AP1M1: variants seen among roughly 807,000 people sequenced by gnomAD.
AP1M1 encodes the protein adaptor related protein complex 1 subunit mu 1, also known as AP-1 complex subunit mu-1.
Under a neutral mutation model 57.1 loss-of-function variants are expected in AP1M1, and 18 were observed. The observed-to-expected ratio is 0.32, with a 90% CI of 0.22 to 0.47. The LOEUF (loss-of-function observed/expected upper bound fraction) is 0.47. AP1M1 is among the 20% of genes least tolerant of loss of function. The pLI is 1.00. For synonymous variants in AP1M1, 241 were observed against 237.9 expected (o/e 1.01, Z -0.12); for missense variants, 362 against 593.5 (o/e 0.61, Z 4.05).
At position 16,198,085 on chromosome 19, in the gene AP1M1, A is replaced by T; in HGVS notation, c.42+17A>T. 6.3e-7 allele frequency: 1 copy of T among 1,593,320 alleles called. No homozygotes were observed. Among genetic ancestry groups the T allele is most frequent in the Middle Eastern group, 2.1e-4 (1 of 4,752 alleles). ...AAGGGCAAGGTACTGAGGGCTCCCC[A>T]CCCTCCCTGTTGCCAGGCAACCGGC... On this transcript the variant is annotated intron_variant, in intron 1 of 11. Coordinates refer to ENST00000291439, the MANE Select transcript of AP1M1 (RefSeq NM_032493.4).
chr19:16,208,545 C>T (rs545160745), intron 4 of AP1M1, among the ~76,000 whole-genome samples: 21 of 152,290 alleles, frequency 1.4e-4, no homozygotes, highest in Non-Finnish European at 2.8e-4. Context: ...CAGCACTTCA[C>T]ATTCACTCGA....
In AP1M1 at chr19:16,234,547, C is replaced by G. The variant is rs1228781738; in HGVS notation, c.*112C>G. ...CCCTCCCTGGTCTCTGGCCACCCTCCCAGCCTCTGCCCAGGGACCCCTGCC... is the reference window on the plus strand; with the variant it reads ...CCCTCCCTGGTCTCTGGCCACCCTCGCAGCCTCTGCCCAGGGACCCCTGCC... On this transcript the variant is annotated 3_prime_UTR_variant, in exon 12 of 12. Coordinates refer to ENST00000291439, the MANE Select transcript of AP1M1 (RefSeq NM_032493.4). 2.2e-6 allele frequency: 3 copies of G among 1,395,004 alleles called. No homozygotes were observed. In the African/African-American group the frequency reaches 4.3e-5, roughly 20 times the overall value. 86.4% of individuals were successfully genotyped at this position (1,395,004 alleles called of 1,614,324 possible). A position where few individuals can be genotyped will look rare whatever the true frequency, so the allele number is the denominator to read the frequency against.
At position 16,203,655 on chromosome 19, in the gene AP1M1, T is replaced by G; in HGVS notation, c.199+40T>G. 1 of 1,563,910 alleles carries G rather than the reference T, an allele frequency of 6.4e-7. No individual in the cohort carries two copies. The highest frequency in any genetic ancestry group is 8.7e-7 in the Non-Finnish European group (1 of 1,152,814). On this transcript the variant is annotated intron_variant, in intron 2 of 11. Coordinates refer to ENST00000291439, the MANE Select transcript of AP1M1 (RefSeq NM_032493.4). This position sits in a 1 kb window ranked among gnomAD's most constrained non-coding sequence, Gnocchi z 4.6. ...GGGGTGCTCCCAGGGGACTCCTGTGTGGGTGTTGGTGTGTGTGCATATCCA... is the reference window on the plus strand; with the variant it reads ...GGGGTGCTCCCAGGGGACTCCTGTGGGGGTGTTGGTGTGTGTGCATATCCA...
rs1047128545 is a variant in AP1M1 at position 16,206,943 on chromosome 19, G to C, written c.267+535G>C. On this transcript the variant is annotated intron_variant, in intron 3 of 11. Transcript: ENST00000291439. The surrounding 1 kb of genome is among the most constrained non-coding windows in gnomAD (Gnocchi z 4.3). ...CAGCGTGCGTGTGGCAGAGTATGAG[G>C]CTGAGGTCAGCTGGGAAGAGGGCGG... Among the ~76,000 whole-genome samples, 1 of 152,354 alleles carries C rather than the reference G, an allele frequency of 6.6e-6. No homozygotes were observed.
chr19:16,204,471 G>T (rs986559969), intron 2 of AP1M1, among the ~76,000 whole-genome samples: 3 of 152,184 alleles, frequency 2.0e-5, no homozygotes, highest in African/African-American at 4.8e-5. Flanking sequence ...AGTTCAGTGG[G>T]AACAACGACC....
intron 1 of AP1M1, among the ~76,000 whole-genome samples, chr19:16,198,830 T>G (rs1220237956): frequency 6.6e-6 from 1 of 151,946 alleles, no homozygotes; most frequent in Non-Finnish European, 1.5e-5. Flanking sequence ...GTTTTTGAGA[T>G]AGTGTCATGC....
rs184500655 is a variant in AP1M1 at position 16,207,793 on chromosome 19, C to T, written c.268-226C>T. Among the ~76,000 whole-genome samples, 3 of 152,232 alleles carry T rather than the reference C, an allele frequency of 2.0e-5. No homozygotes were observed. The East Asian group carries it at 5.8e-4, about 29-fold the overall frequency. ...ATGGGAACGCAGAGCTTCTGAAGGC[C>T]TCGGGACATCTGCAGTGGCTCCAGC... On this transcript the variant is annotated intron_variant, in intron 3 of 11. Coordinates refer to ENST00000291439, the MANE Select transcript of AP1M1 (RefSeq NM_032493.4). This position sits in a 1 kb window ranked among gnomAD's most constrained non-coding sequence, Gnocchi z 4.2.
At chr19:16,231,746 G>A (rs183932930) in intron 9 of AP1M1, among the ~76,000 whole-genome samples, 54 of 152,342 alleles carry the variant, frequency 3.5e-4, no homozygotes, top group Middle Eastern at 6.8e-3. Flanking sequence ...GTGAACGAGT[G>A]CACAAATACC....
intron 5 of AP1M1, among the ~76,000 whole-genome samples, chr19:16,225,409 G>A (rs558922256): frequency 6.6e-6 from 1 of 152,224 alleles, no homozygotes; most frequent in East Asian, 1.9e-4. Flanking sequence ...GGCCAGGGCT[G>A]CAGCCCCAGC....
intron 5 of AP1M1, among the ~76,000 whole-genome samples, chr19:16,215,924 G>A (rs2091517384): frequency 6.6e-6 from 1 of 152,008 alleles, no homozygotes; most frequent in South Asian, 2.1e-4. Flanking sequence ...CAGTCTTCAA[G>A]CTCTGAGATT....
intron 5 of AP1M1, among the ~76,000 whole-genome samples, chr19:16,218,668 C>T (rs774745482): frequency 3.9e-5 from 6 of 152,166 alleles, no homozygotes; most frequent in African/African-American, 1.4e-4. Flanking sequence ...CTCCTGGCTG[C>T]GTCTAGTTGG....
In AP1M1 at chr19:16,234,834, C is replaced by T. The variant is rs577631677; in HGVS notation, c.*399C>T. 1.2e-5 allele frequency: 4 copies of T among 330,148 alleles called. No individual in the cohort carries two copies. Among genetic ancestry groups the T allele is most frequent in the African/African-American group, 4.1e-5 (2 of 48,242 alleles). 20.5% of individuals were successfully genotyped at this position (330,148 alleles called of 1,614,324 possible). On this transcript the variant is annotated 3_prime_UTR_variant, in exon 12 of 12. Transcript: ENST00000291439. ...GCCAGCCTCGCCAGGCCAGCAGGGG[C>T]GTCGTTTTGTTGCCATTTTGTTGAA...
intron 4 of AP1M1, among the ~76,000 whole-genome samples, chr19:16,208,476 G>A (rs1377944681): frequency 6.6e-6 from 1 of 152,046 alleles, no homozygotes; most frequent in African/African-American, 2.4e-5. Context: ...CCCCTCTTTG[G>A]AATCCTGCCC....
At chr19:16,217,178 G>T (rs910251951) in intron 5 of AP1M1, among the ~76,000 whole-genome samples, 3 of 152,142 alleles carry the variant, frequency 2.0e-5, no homozygotes, top group Admixed American at 1.3e-4. Flanking sequence ...AGGGCTAGGG[G>T]TAGGTCCTCT....
At chr19:16,218,296 G>C (rs116184601) in intron 5 of AP1M1, among the ~76,000 whole-genome samples, 1 of 152,158 alleles carries the variant, frequency 6.6e-6, no homozygotes. Context: ...GAACCCTCCC[G>C]GGCTGTCTCA....
Position 16,242,532 on chromosome 19 carries a change from GGATT to G in AP1M1, c.*8100_*8103del, listed in dbSNP as rs1186093357. ...AAAGCTGCTAGTTGAAGATGTTGTCGGATTGAACTGAAATACAAAATCCTGTGAT... is the reference window on the plus strand; with the variant it reads ...AAAGCTGCTAGTTGAAGATGTTGTCGGAACTGAAATACAAAATCCTGTGAT... On this transcript the variant is annotated 3_prime_UTR_variant, in exon 12 of 12. Transcript: ENST00000291439. The G allele has an allele frequency of 6.6e-6, 1 of 152,110 alleles. No homozygotes were observed. The highest frequency in any genetic ancestry group is 1.5e-5 in the Non-Finnish European group (1 of 68,020). The allele number at this position is 152,110 out of a possible 1,614,324, so 9.4% of individuals were successfully genotyped here.
chr19:16,216,386 A>G (rs1414753984), intron 5 of AP1M1, among the ~76,000 whole-genome samples: 1 of 151,876 alleles, frequency 6.6e-6, no homozygotes, highest in African/African-American at 2.4e-5. Context: ...CGGAGCTTGC[A>G]GTGAGCCGAG....
At position 16,208,020 on chromosome 19, in the gene AP1M1, T is replaced by C; in HGVS notation, c.269T>C (p.Val90Ala). 1 of 1,610,306 alleles carries C rather than the reference T, an allele frequency of 6.2e-7. No individual in the cohort carries two copies. The highest frequency in any genetic ancestry group is 1.1e-5 in the South Asian group (1 of 90,896). Residue 90 changes from valine (V) to alanine (A), a missense_variant and splice_region_variant, in exon 4 of 12, where the codon GTG becomes GCG. Val to Ala is a moderately conservative substitution (Grantham distance 64). This residue lies in a region of AP1M1 where 337 missense variants were observed against 511.1 expected (regional missense o/e 0.66). Transcript: ENST00000291439. Reference protein sequence around the residue: ...VFSFLYKVVQVFSEYFKELEE... With the variant: ...VFSFLYKVVQAFSEYFKELEE... ...TCCCTCCCTCCCCAACCGCCACAGGTGTTTTCCGAGTACTTCAAGGAGCTG... is the reference window on the plus strand; with the variant it reads ...TCCCTCCCTCCCCAACCGCCACAGGCGTTTTCCGAGTACTTCAAGGAGCTG...
At chr19:16,223,983 C>T (rs1348662793) in intron 5 of AP1M1, among the ~76,000 whole-genome samples, 1 of 152,300 alleles carries the variant, frequency 6.6e-6, no homozygotes, top group East Asian at 1.9e-4. Flanking sequence ...TTTCTGACGG[C>T]CACTGGCAGT....
Sources: gnomAD v4.1 joint callset for allele counts (sites outside exome capture counted in the v4.1 genomes callset) on GRCh38, gnomAD v4.1.1 for gene constraint, gnomAD v4.1.1 regional missense constraint, Gnocchi (gnomAD v3.1) non-coding constraint, MANE v1.5 for transcripts, NCBI Gene and HGNC (gene_info 2026-07-23, HGNC 2026-07-21) for gene names.